The following PCDHA4 variants were observed in gnomAD, a reference collection of about 807,000 sequenced individuals.
PCDHA4 encodes protocadherin alpha 4, also known as protocadherin alpha-4.
PCDHA4 carries 49 observed loss-of-function variants against 61.4 expected under a neutral mutation model. The ratio of observed to expected loss-of-function variants is 0.80; its 90% confidence interval spans 0.63 to 1.01. PCDHA4 has a LOEUF of 1.01. Among genes scored for constraint, PCDHA4 ranks in the 50% least tolerant of loss-of-function variants. PCDHA4 has a pLI of 0.00. For missense variants in PCDHA4, 1,254 were observed against 1,235.8 expected (o/e 1.01, Z -0.22); for synonymous variants, 590 against 550.3 (o/e 1.07, Z -1.01).
chr5:140,971,202 C>T (rs1486022070), intron 1 of PCDHA4, among the ~76,000 whole-genome samples: 1 of 152,156 alleles, frequency 6.6e-6, no homozygotes, highest in Non-Finnish European at 1.5e-5. Context: ...AGGAAAGACA[C>T]TGTTACCCTC....
At chr5:140,927,668 A>T in intron 1 of PCDHA4, 1 of 1,614,208 alleles carries the variant, frequency 6.2e-7, no homozygotes, top group Non-Finnish European at 8.5e-7. Flanking sequence ...CAAGCCTTGG[A>T]TCCAGATGAA....
intron 1 of PCDHA4, chr5:140,881,349 A>G: frequency 2.0e-6 from 2 of 985,302 alleles, no homozygotes; most frequent in Non-Finnish European, 2.4e-6. Flanking sequence ...TCGGGCTACA[A>G]TGCGTGGCTT....
intron 1 of PCDHA4, among the ~76,000 whole-genome samples, chr5:140,912,358 T>G (rs2075885370): frequency 1.4e-5 from 2 of 146,130 alleles, no homozygotes; most frequent in African/African-American, 2.6e-5. Flanking sequence ...TTTTTTTTTT[T>G]GCAGCTGTTG....
chr5:140,927,917 TC>T (rs1554205257), intron 1 of PCDHA4: 2 of 1,614,182 alleles, frequency 1.2e-6, no homozygotes, highest in Non-Finnish European at 8.5e-7. Flanking sequence ...GAACTGGACT[TC>T]CTGACTCTTT....
chr5:140,856,960 T>C, intron 1 of PCDHA4: 2 of 1,593,258 alleles, frequency 1.3e-6, no homozygotes, highest in Non-Finnish European at 8.6e-7. Flanking sequence ...TAAAAGTAAA[T>C]GATGCTATTG....
intron 1 of PCDHA4, among the ~76,000 whole-genome samples, chr5:140,951,153 G>T (rs1585399827): frequency 3.4e-5 from 1 of 29,832 alleles, no homozygotes; most frequent in Admixed American, 3.1e-4. Context: ...ATTGAATATA[G>T]TTATAGTAGC....
At chr5:140,829,950 T>A in intron 1 of PCDHA4, 1 of 1,613,960 alleles carries the variant, frequency 6.2e-7, no homozygotes, top group Non-Finnish European at 8.5e-7. Context: ...AGCGCTCGCT[T>A]CCCGTTTCGC....
At chr5:140,962,565 C>G (rs2095693012) in intron 1 of PCDHA4, among the ~76,000 whole-genome samples, 1 of 152,130 alleles carries the variant, frequency 6.6e-6, no homozygotes, top group African/African-American at 2.4e-5. Flanking sequence ...CCCCTAAAAG[C>G]CAATTGTTAA....
At chr5:140,856,365 A>G in intron 1 of PCDHA4, 1 of 1,598,426 alleles carries the variant, frequency 6.3e-7, no homozygotes, top group Non-Finnish European at 8.6e-7. Flanking sequence ...ATCCACCTGG[A>G]GGTGATCGTG....
chr5:140,834,516 G>A (rs1433865569), intron 1 of PCDHA4: 5 of 1,613,992 alleles, frequency 3.1e-6, no homozygotes, highest in African/African-American at 2.7e-5. Flanking sequence ...TGGCAACTTC[G>A]TGGGCCGCAT....
At chr5:140,938,709 T>C (rs1473474040) in intron 1 of PCDHA4, among the ~76,000 whole-genome samples, 2 of 152,176 alleles carry the variant, frequency 1.3e-5, no homozygotes, top group African/African-American at 2.4e-5. Context: ...ATGTTTATGA[T>C]AGAAACGCGT....
intron 1 of PCDHA4, among the ~76,000 whole-genome samples, chr5:140,938,135 A>T (rs926775458): frequency 1.3e-5 from 2 of 152,198 alleles, no homozygotes; most frequent in Non-Finnish European, 2.9e-5. Flanking sequence ...AAATAGAGAT[A>T]GAGTCTCACT....
intron 1 of PCDHA4, chr5:140,876,058 C>T (rs781906188): frequency 6.2e-7 from 1 of 1,613,868 alleles, no homozygotes; most frequent in Middle Eastern, 1.6e-4. Context: ...TGAATTAGTT[C>T]TTCGGAAGTT....
intron 1 of PCDHA4, among the ~76,000 whole-genome samples, chr5:140,959,145 A>C (rs2095470775): frequency 6.6e-6 from 1 of 152,030 alleles, no homozygotes; most frequent in Non-Finnish European, 1.5e-5. Flanking sequence ...GGGAGGCCAA[A>C]GTGGGCAGAT....
Position 141,010,168 on chromosome 5 carries a change from C to T in PCDHA4, c.*231C>T. The T allele has an allele frequency of 6.4e-7, 1 of 1,561,094 alleles. No individual in the cohort carries two copies. On this transcript the variant is annotated 3_prime_UTR_variant, in exon 4 of 4. Coordinates refer to ENST00000530339, the MANE Select transcript of PCDHA4 (RefSeq NM_018907.4). Reference sequence around the variant, plus strand: ...TCTCCACTCTGGCTTGTTTTCAGAACCTAAAAAGCAGACCCAAGTTTCCTT... The same window carrying T: ...TCTCCACTCTGGCTTGTTTTCAGAATCTAAAAAGCAGACCCAAGTTTCCTT...
At chr5:140,856,743 T>A in intron 1 of PCDHA4, 1 of 1,596,776 alleles carries the variant, frequency 6.3e-7, no homozygotes, top group Non-Finnish European at 8.6e-7. Flanking sequence ...ATCCTGGTGT[T>A]AGATGCCAAT....
intron 1 of PCDHA4, among the ~76,000 whole-genome samples, chr5:140,839,584 CT>C (rs1237796320): frequency 6.6e-6 from 1 of 151,868 alleles, no homozygotes; most frequent in Non-Finnish European, 1.5e-5. Flanking sequence ...GAGATGGGGT[CT>C]TACCATGTTG....
chr5:140,978,875 T>A, intron 1 of PCDHA4, 74 bp from the exon 2 acceptor site: 2 of 1,609,316 alleles, frequency 1.2e-6, no homozygotes, highest in Non-Finnish European at 1.7e-6. Flanking sequence ...AGGGAGTAAC[T>A]AATCAATTAG....
At chr5:140,849,965 G>C (rs2150460683) in intron 1 of PCDHA4, 1 of 1,597,882 alleles carries the variant, frequency 6.3e-7, no homozygotes, top group East Asian at 2.2e-5. Context: ...ACGCCCTGGT[G>C]TCCTACTCGC....
Sources: gnomAD v4.1 joint callset for allele counts (sites outside exome capture counted in the v4.1 genomes callset) on GRCh38, gnomAD v4.1.1 for gene constraint, MANE v1.5 for transcripts, NCBI Gene and HGNC (gene_info 2026-07-23, HGNC 2026-07-21) for gene names.